DNAH11: variants seen among roughly 807,000 people sequenced by gnomAD.
The protein encoded by DNAH11 is dynein axonemal heavy chain 11, also known as axonemal beta dynein heavy chain 11.
Under a neutral mutation model 526.0 loss-of-function variants are expected in DNAH11, and 442 were observed. The observed-to-expected ratio is 0.84, with a 90% confidence interval of 0.78 to 0.91. DNAH11 has a LOEUF of 0.91. DNAH11 is among the 40% of genes least tolerant of loss of function. DNAH11 has a pLI of 0.00. For synonymous variants in DNAH11, 2,461 were observed against 1,935.9 expected, an observed-to-expected ratio of 1.27 and a Z score of -7.12; for missense variants, 6,989 against 5,448.7, an observed-to-expected ratio of 1.28 and a Z score of -8.90.
At chr7:21,712,201 A>G (rs1463218151) in intron 42 of DNAH11, among the ~76,000 whole-genome samples, 1 of 152,216 alleles carries the variant, frequency 6.6e-6, no homozygotes, top group African/African-American at 2.4e-5. Flanking sequence ...ACGTAGCAGC[A>G]TATTGTAGTA....
At chr7:21,718,435 A>C (rs749897064) in intron 43 of DNAH11, among the ~76,000 whole-genome samples, 6 of 152,204 alleles carry the variant, frequency 3.9e-5, no homozygotes, top group Non-Finnish European at 8.8e-5. Context: ...TCTGAATTCT[A>C]CCACCTAGGT....
intron 2 of DNAH11, among the ~76,000 whole-genome samples, chr7:21,546,492 G>A (rs1468995960): frequency 6.6e-6 from 1 of 152,178 alleles, no homozygotes; most frequent in Non-Finnish European, 1.5e-5. Context: ...GGGCTACACT[G>A]TGAAATTCTT....
chr7:21,747,764 C>T (rs1786213157), intron 51 of DNAH11, among the ~76,000 whole-genome samples: 1 of 152,208 alleles, frequency 6.6e-6, no homozygotes, highest in African/African-American at 2.4e-5. Context: ...GCAAGAATCA[C>T]ATTAAGAAAC....
At chr7:21,756,967 T>C (rs943376140) in intron 54 of DNAH11, among the ~76,000 whole-genome samples, 1 of 152,186 alleles carries the variant, frequency 6.6e-6, no homozygotes, top group Non-Finnish European at 1.5e-5. Flanking sequence ...ATTAAGTTCT[T>C]TTCTCAATAT....
At position 21,818,342 on chromosome 7, in the gene DNAH11, A is replaced by G. The variant is rs911792535; in HGVS notation, c.10691+3A>G. The G allele has an allele frequency of 6.2e-7, 1 of 1,606,078 alleles. No homozygotes were observed. The highest frequency in any genetic ancestry group is 8.5e-7 in the Non-Finnish European group (1 of 1,177,318). ...AGGAACACAATTAAAAAAGGAAAGT[A>G]AGTATTCTTGAATTTTTAACATATA... On this transcript the variant is annotated splice_donor_region_variant and intron_variant, in intron 65 of 81. Coordinates refer to ENST00000409508, the MANE Select transcript of DNAH11 (RefSeq NM_001277115.2).
chr7:21,560,220 C>G (rs1355321600), intron 4 of DNAH11, among the ~76,000 whole-genome samples: 2 of 152,088 alleles, frequency 1.3e-5, no homozygotes, highest in East Asian at 3.9e-4. Flanking sequence ...GACATCCATT[C>G]ACATGTCTTT....
At position 21,900,077 on chromosome 7, in the gene DNAH11, C is replaced by T. The variant is rs1463650489; in HGVS notation, c.13260C>T (p.His4420=). Residue 4420 remains histidine, a synonymous_variant, in exon 81 of 82, where the codon CAC becomes CAT. Coordinates refer to ENST00000409508, the MANE Select transcript of DNAH11 (RefSeq NM_001277115.2). The part of the protein sequence containing the change: ...VTKKTKEDYG[H]PPREGAYLHG... ...AAAAAACAAAGGAAGATTATGGACA[C>T]CCGCCAAGGGAAGGTGCATACCTCC... 2 of 1,613,746 alleles carry T rather than the reference C, an allele frequency of 1.2e-6. No individual in the cohort carries two copies. Among genetic ancestry groups the T allele is most frequent in the Non-Finnish European group, 1.7e-6 (2 of 1,179,848 alleles).
chr7:21,750,719 G>C (rs1364208894), intron 54 of DNAH11, among the ~76,000 whole-genome samples: 1 of 152,142 alleles, frequency 6.6e-6, no homozygotes, highest in Non-Finnish European at 1.5e-5. Flanking sequence ...TTCCTCACTG[G>C]AGCTGGTCAT....
At chr7:21,745,685 T>A (rs1399495807) in intron 51 of DNAH11, among the ~76,000 whole-genome samples, 1 of 152,166 alleles carries the variant, frequency 6.6e-6, no homozygotes, top group Non-Finnish European at 1.5e-5. Context: ...AAAATGGACA[T>A]TTATAAGGAC....
intron 65 of DNAH11, among the ~76,000 whole-genome samples, chr7:21,838,389 A>G (rs1487782797): frequency 6.6e-6 from 1 of 152,208 alleles, no homozygotes; most frequent in African/African-American, 2.4e-5. Flanking sequence ...ATCAAGATAT[A>G]AGTCACATAT....
intron 30 of DNAH11, among the ~76,000 whole-genome samples, chr7:21,667,039 A>G (rs558330165): frequency 6.6e-6 from 1 of 152,254 alleles, no homozygotes; most frequent in Non-Finnish European, 1.5e-5. Context: ...AGCTATTGCA[A>G]TGGTAAGCCA....
chr7:21,647,872 A>G (rs758727740), intron 28 of DNAH11, among the ~76,000 whole-genome samples: 2 of 152,222 alleles, frequency 1.3e-5, no homozygotes, highest in South Asian at 2.1e-4. Context: ...TTAAGATTTC[A>G]TCACCACCAG....
intron 20 of DNAH11, among the ~76,000 whole-genome samples, chr7:21,613,026 A>G (rs959920366): frequency 6.6e-6 from 1 of 152,200 alleles, no homozygotes; most frequent in Non-Finnish European, 1.5e-5. Context: ...GTAAAATACT[A>G]TACGATAGGG....
intron 56 of DNAH11, among the ~76,000 whole-genome samples, chr7:21,776,609 T>C (rs1161200916): frequency 6.6e-6 from 1 of 152,242 alleles, no homozygotes; most frequent in African/African-American, 2.4e-5. Flanking sequence ...CAGATAGTCC[T>C]AGTGACCTTT....
chr7:21,561,150 T>C lies in DNAH11; in HGVS notation c.962T>C (p.Ile321Thr), dbSNP rs984566950. 1 of 1,594,572 alleles carries C rather than the reference T, an allele frequency of 6.3e-7. No homozygotes were observed. The highest frequency in any genetic ancestry group is 1.3e-5 in the African/African-American group (1 of 74,772). ...QSSYFPTLKDIFLAVENALLE... is the reference protein window; with the variant it reads ...QSSYFPTLKDTFLAVENALLE... ...AGCTATTTTCCTACTCTGAAGGACA[T>C]TTTTCTGGCTGTGGAAAATGGTAAG... Residue 321 changes from isoleucine to threonine, a missense_variant, in exon 5 of 82, where the codon ATT (isoleucine) becomes ACT (threonine). Transcript: ENST00000409508.
chr7:21,695,669 G>A (rs1416953130), intron 35 of DNAH11, among the ~76,000 whole-genome samples: 2 of 152,148 alleles, frequency 1.3e-5, no homozygotes, highest in Non-Finnish European at 2.9e-5. Flanking sequence ...TACCACTCAG[G>A]ACATAGGCAT....
At chr7:21,684,172 T>G (rs1436220124) in intron 32 of DNAH11, among the ~76,000 whole-genome samples, 1 of 152,200 alleles carries the variant, frequency 6.6e-6, no homozygotes, top group Non-Finnish European at 1.5e-5. Flanking sequence ...TCTGCCTAGT[T>G]ATCTACAACT....
chr7:21,755,169 T>A (rs1295228314), intron 54 of DNAH11, among the ~76,000 whole-genome samples: 1 of 152,220 alleles, frequency 6.6e-6, no homozygotes, highest in African/African-American at 2.4e-5. Flanking sequence ...CCTGTTGGCA[T>A]GCAAAATGTG....
intron 18 of DNAH11, among the ~76,000 whole-genome samples, chr7:21,602,557 T>TTG (rs60703018): frequency 0.014 from 2,041 of 149,060 alleles, 18 homozygotes; most frequent in East Asian, 0.038. Context: ...ATTTTATAGA[T>TTG]TGTGTGTGTG....
Sources: gnomAD v4.1 joint callset for allele counts (sites outside exome capture counted in the v4.1 genomes callset) on GRCh38, gnomAD v4.1.1 for gene constraint, MANE v1.5 for transcripts, NCBI Gene and HGNC (gene_info 2026-07-23, HGNC 2026-07-21) for gene names.